The following ACSM6 variants were observed in gnomAD, a reference collection of about 807,000 sequenced individuals.
The protein encoded by ACSM6 is acyl-CoA synthetase medium chain family member 6, also known as acyl-coenzyme A synthetase ACSM6, mitochondrial.
Under a neutral mutation model 51.1 loss-of-function variants are expected in ACSM6, and 35 were observed. The observed-to-expected ratio is 0.69, with a 90% CI of 0.52 to 0.91. The LOEUF (loss-of-function observed/expected upper bound fraction) is 0.91, where lower values mean the gene tolerates loss of function less well. Among genes scored for constraint, ACSM6 ranks in the 40% least tolerant of loss-of-function variants. The probability of loss-of-function intolerance (pLI) is 0.00; values close to 1 mark genes in which losing one functional copy is unlikely to be tolerated. For synonymous variants in ACSM6, 172 were observed against 207.3 expected, an observed-to-expected ratio of 0.83 and a Z score of 1.46; for missense variants, 509 against 584.1, an observed-to-expected ratio of 0.87 and a Z score of 1.32.
At chr10:95,207,028 C>A (rs2034844335) in intron 3 of ACSM6, among the ~76,000 whole-genome samples, 180 bp from the exon 4 acceptor site, 1 of 152,168 alleles carries the variant, frequency 6.6e-6, no homozygotes, top group East Asian at 1.9e-4. Flanking sequence ...TTTCAGTGGG[C>A]TCAGTCTCCT....
intron 3 of ACSM6, among the ~76,000 whole-genome samples, chr10:95,203,609 A>G (rs1174953769): frequency 6.6e-6 from 1 of 152,098 alleles, no homozygotes; most frequent in Non-Finnish European, 1.5e-5. Flanking sequence ...CAACATAAAC[A>G]GGAAATGCCT....
chr10:95,210,617 A>G, intron 4 of ACSM6, 33 bp from the exon 5 acceptor site: 1 of 1,599,614 alleles, frequency 6.3e-7, no homozygotes, highest in Non-Finnish European at 8.5e-7. Context: ...ACCTAAATTT[A>G]GATCTCACTG....
At chr10:95,211,225 T>C (rs1360894553) in intron 5 of ACSM6, among the ~76,000 whole-genome samples, 2 of 152,240 alleles carry the variant, frequency 1.3e-5, no homozygotes, top group African/African-American at 2.4e-5. Context: ...ACACCACCCC[T>C]TTTTTAAGAA....
At chr10:95,206,401 T>C (rs1458951501) in intron 3 of ACSM6, among the ~76,000 whole-genome samples, 2 of 152,200 alleles carry the variant, frequency 1.3e-5, no homozygotes, top group African/African-American at 4.8e-5. Context: ...TATCAGTTCA[T>C]CAGCTGATAG....
chr10:95,225,225 T>C (rs2035026761), intron 9 of ACSM6, 65 bp from the exon 10 acceptor site: 2 of 1,144,244 alleles, frequency 1.7e-6, no homozygotes, highest in Admixed American at 4.1e-5. Context: ...TTAGATCTTG[T>C]GGTGTTTTAG....
chr10:95,207,384 G>A (rs145829746), exon 4 of ACSM6: 1 of 1,614,204 alleles, frequency 6.2e-7, no homozygotes, highest in Non-Finnish European at 8.5e-7. Flanking sequence ...TAAGAGCTAT[G>A]ATGGGTGGTT....
At chr10:95,204,381 G>A (rs1240775474) in intron 3 of ACSM6, among the ~76,000 whole-genome samples, 1 of 151,902 alleles carries the variant, frequency 6.6e-6, no homozygotes, top group Non-Finnish European at 1.5e-5. Flanking sequence ...GTGAAACCCC[G>A]TCTCTACTAA....
intron 2 of ACSM6, 63 bp from the exon 3 acceptor site, chr10:95,201,922 T>A: frequency 7.0e-7 from 1 of 1,421,404 alleles, no homozygotes; most frequent in South Asian, 1.2e-5. Flanking sequence ...CTGGCAACAG[T>A]GGCCTCCCAT....
At chr10:95,211,607 G>T (rs534350554) in intron 5 of ACSM6, among the ~76,000 whole-genome samples, 1 of 152,320 alleles carries the variant, frequency 6.6e-6, no homozygotes, top group Non-Finnish European at 1.5e-5. Context: ...TAATAAAAGT[G>T]CCTACTGGAT....
At chr10:95,227,874 C>G (rs2035055446) in intron 10 of ACSM6, among the ~76,000 whole-genome samples, 1 of 152,134 alleles carries the variant, frequency 6.6e-6, no homozygotes, top group African/African-American at 2.4e-5. Context: ...TTGAGAGCAG[C>G]CTGGCCAACA....
chr10:95,210,028 G>C (rs2034878622), intron 4 of ACSM6, among the ~76,000 whole-genome samples: 1 of 152,080 alleles, frequency 6.6e-6, no homozygotes, highest in South Asian at 2.1e-4. Flanking sequence ...GGGAATATTT[G>C]AACAGTTTGG....
At chr10:95,212,178 T>A in intron 6 of ACSM6, 144 bp downstream of exon 6, 5 of 981,536 alleles carry the variant, frequency 5.1e-6, no homozygotes, top group Non-Finnish European at 6.1e-6. Context: ...TCTCCCTGCT[T>A]GTGAGAGCAA....
chr10:95,216,979 G>A (rs1764184948), intron 8 of ACSM6, among the ~76,000 whole-genome samples: 1 of 152,160 alleles, frequency 6.6e-6, no homozygotes, highest in Non-Finnish European at 1.5e-5. Flanking sequence ...AGAATGTAGA[G>A]CTGGTACCTT....
chr10:95,228,467 T>C, intron 10 of ACSM6, 177 bp from the exon 11 acceptor site: 1 of 561,022 alleles, frequency 1.8e-6, no homozygotes, highest in African/African-American at 1.9e-5. Context: ...TTAAGAGAAA[T>C]GACCAAGGAA....
At chr10:95,201,379 C>A in intron 2 of ACSM6, 1 of 428,028 alleles carries the variant, frequency 2.3e-6, no homozygotes. Context: ...CACTGTTTAA[C>A]TCCCACTTAT....
chr10:95,212,774 C>A, intron 6 of ACSM6, 84 bp from the exon 7 acceptor site: 1 of 1,101,744 alleles, frequency 9.1e-7, no homozygotes. Context: ...CTTCCCTGGA[C>A]TTTCCCGCCT....
chr10:95,209,675 T>G (rs2034875847), intron 4 of ACSM6, among the ~76,000 whole-genome samples: 2 of 152,102 alleles, frequency 1.3e-5, no homozygotes, highest in Non-Finnish European at 2.9e-5. Context: ...ATTTTAATTT[T>G]AAAATAATTT....
chr10:95,216,937 G>C (rs1259340814), intron 8 of ACSM6, among the ~76,000 whole-genome samples: 1 of 152,124 alleles, frequency 6.6e-6, no homozygotes. Context: ...AAAATAAGCA[G>C]GAAAGCTTAT....
intron 9 of ACSM6, among the ~76,000 whole-genome samples, chr10:95,223,349 G>C (rs2035011868): frequency 1.3e-5 from 2 of 152,002 alleles, no homozygotes; most frequent in Admixed American, 6.6e-5. Context: ...TATGAGCCAG[G>C]ATCATCCTGA....
Sources: gnomAD v4.1 joint callset for allele counts (sites outside exome capture counted in the v4.1 genomes callset) on GRCh38, gnomAD v4.1.1 for gene constraint, MANE v1.5 for transcripts, NCBI Gene and HGNC (gene_info 2026-07-23, HGNC 2026-07-21) for gene names.